The following NCOR2 variants were observed in gnomAD, a reference collection of about 807,000 sequenced individuals.
The protein encoded by NCOR2 is CTG repeat protein 26.
Under a neutral mutation model 262.9 loss-of-function variants are expected in NCOR2, and 81 were observed. The observed-to-expected ratio is 0.31, with a 90% CI of 0.26 to 0.37. The LOEUF is 0.37. NCOR2 is among the 10% of genes least tolerant of loss of function. The probability of loss-of-function intolerance (pLI) is 1.00; values close to 1 mark genes in which losing one functional copy is unlikely to be tolerated. For synonymous variants in NCOR2, 1,659 were observed against 1,559.3 expected (o/e 1.06, Z -1.51); for missense variants, 3,385 against 3,621.4 (o/e 0.93, Z 1.68).
At chr12:124,434,321 C>T (rs2044204698) in intron 8 of NCOR2, among the ~76,000 whole-genome samples, 1 of 152,152 alleles carries the variant, frequency 6.6e-6, no homozygotes, top group Admixed American at 6.5e-5. Flanking sequence ...GGGACTTCGG[C>T]TTCTTATACC....
exon 47 of NCOR2, chr12:124,324,594 G>A (rs954782086): frequency 3.3e-5 from 5 of 152,430 alleles, no homozygotes; most frequent in African/African-American, 1.2e-4. Context: ...CGAGTGATGG[G>A]GTCACCGACT....
intron 1 of NCOR2, among the ~76,000 whole-genome samples, chr12:124,491,317 T>A (rs2048071727): frequency 6.6e-6 from 1 of 152,264 alleles, no homozygotes. Flanking sequence ...GTCCATACCC[T>A]GTGCGAAGGA....
intron 13 of NCOR2, among the ~76,000 whole-genome samples, chr12:124,407,200 CAGAA>C (rs1356458009): frequency 6.6e-6 from 1 of 152,226 alleles, no homozygotes; most frequent in African/African-American, 2.4e-5. Context: ...ACACCAGCCA[CAGAA>C]AGATGTGGCC....
chr12:124,515,533 A>C (rs2137047271), intron 1 of NCOR2, among the ~76,000 whole-genome samples: 1 of 152,312 alleles, frequency 6.6e-6, no homozygotes, highest in East Asian at 1.9e-4. Flanking sequence ...CCGTATGCAG[A>C]TTGCAGCAGT....
In NCOR2 at chr12:124,464,581, A is replaced by G. The variant is rs142070320; in HGVS notation, c.705+1592T>C. Reference sequence around the variant, plus strand: ...TACTAAATGCAAATAGTATTCTATTAAATGCACAAGGTAAACAAACACAAG... The same window carrying G: ...TACTAAATGCAAATAGTATTCTATTGAATGCACAAGGTAAACAAACACAAG... On this transcript the variant is annotated intron_variant, in intron 5 of 46. Transcript: ENST00000405201. Among the ~76,000 whole-genome samples, 7 of 152,376 alleles carry G rather than the reference A, an allele frequency of 4.6e-5. No individual in the cohort carries two copies. In the East Asian group the frequency reaches 1.3e-3, roughly 29 times the overall value.
chr12:124,364,060 G>T (rs1468723762), intron 20 of NCOR2, among the ~76,000 whole-genome samples: 1 of 152,174 alleles, frequency 6.6e-6, no homozygotes, highest in South Asian at 2.1e-4. Context: ...GTTCTTGCAG[G>T]CCCCATCAGG....
chr12:124,558,815 C>A (rs1017427575), intron 1 of NCOR2, among the ~76,000 whole-genome samples: 2 of 152,120 alleles, frequency 1.3e-5, no homozygotes, highest in Non-Finnish European at 2.9e-5. Context: ...CCCCTGAATG[C>A]CCTTCACTTC....
chr12:124,415,557 G>A (rs933219435), intron 13 of NCOR2, among the ~76,000 whole-genome samples: 3 of 152,244 alleles, frequency 2.0e-5, no homozygotes, highest in African/African-American at 4.8e-5. Context: ...CTTAGCAAAC[G>A]CAGCTGATCC....
At chr12:124,518,491 C>T (rs372389184) in intron 1 of NCOR2, among the ~76,000 whole-genome samples, 4 of 152,352 alleles carry the variant, frequency 2.6e-5, no homozygotes, top group Admixed American at 6.5e-5. Flanking sequence ...GCGACAAGTG[C>T]GGGGCCGCCT....
At chr12:124,381,529 G>A (rs1446421743) in intron 17 of NCOR2, among the ~76,000 whole-genome samples, 1 of 152,256 alleles carries the variant, frequency 6.6e-6, no homozygotes, top group African/African-American at 2.4e-5. Flanking sequence ...ACCTGGAACA[G>A]TGTCTAGCAC....
intron 33 of NCOR2, 24 bp downstream of exon 35, chr12:124,342,981 T>C (rs747355777): frequency 8.1e-6 from 13 of 1,608,514 alleles, no homozygotes; most frequent in Middle Eastern, 2.2e-4. Context: ...CACTGCAGGG[T>C]TCTGGGAGCC....
chr12:124,369,666 C>G (rs2039331613), intron 20 of NCOR2, among the ~76,000 whole-genome samples: 1 of 152,126 alleles, frequency 6.6e-6, no homozygotes. Context: ...GAGGGCAAAG[C>G]AGGCCCCAAG....
chr12:124,479,521 G>A lies in NCOR2; in HGVS notation c.411+4075C>T, dbSNP rs554628645. ...TGCGCGCATACACACGCACATGCGC[G>A]CACACGCACACACACACCCGCACCC... On this transcript the variant is annotated intron_variant, in intron 3 of 46. Transcript: ENST00000405201. Among the ~76,000 whole-genome samples the A allele has an allele frequency of 6.8e-5, 10 of 147,676 alleles. No homozygotes were observed. In the East Asian group the frequency reaches 1.2e-3, roughly 18 times the overall value.
rs750414709 is a variant in NCOR2 at position 124,490,408 on chromosome 12, A to AGATGGATGGATGGATGGATGGATG, written c.106-3864_106-3841dup. Among the ~76,000 whole-genome samples the AGATGGATGGATGGATGGATGGATG allele has an allele frequency of 7.1e-5, 9 of 126,364 alleles. 1 individual carries two copies. Among genetic ancestry groups the AGATGGATGGATGGATGGATGGATG allele is most frequent in the East Asian group, 7.4e-4 (2 of 2,720 alleles). 82.9% of individuals were successfully genotyped at this position (126,364 alleles called of 152,430 possible). A position where few individuals can be genotyped will look rare whatever the true frequency, so the allele number is the denominator to read the frequency against. On this transcript the variant is annotated intron_variant, in intron 1 of 46. Transcript: ENST00000405201. ...CCGAGACGCCTGATAAGTATTTGCC[A>AGATGGATGGATGGATGGATGGATG]GATGGATGGATGGATGGATGGATGG...
At chr12:124,340,627 G>A in exon 35 of NCOR2, 1 of 1,496,286 alleles carries the variant, frequency 6.7e-7, no homozygotes, top group East Asian at 2.3e-5. Context: ...AGCTGCTGTG[G>A]CGGCTGCTGA....
At chr12:124,499,265 T>C (rs2048552388), upstream of NCOR2, among the ~76,000 whole-genome samples, 1 of 152,172 alleles carries the variant, frequency 6.6e-6, no homozygotes, top group Non-Finnish European at 1.5e-5. Context: ...GAGGGGGAAT[T>C]CAGACACAAA....
At chr12:124,423,743 T>A (rs1425108014) in intron 11 of NCOR2, among the ~76,000 whole-genome samples, 1 of 152,178 alleles carries the variant, frequency 6.6e-6, no homozygotes, top group African/African-American at 2.4e-5. Flanking sequence ...AACTTGGGAA[T>A]CTCCTAGGTC....
At chr12:124,363,855 G>C (rs1455383322) in intron 20 of NCOR2, 56 bp from the exon 23 acceptor site, 10 of 1,296,868 alleles carry the variant, frequency 7.7e-6, no homozygotes, top group African/African-American at 3.0e-5. Context: ...CTCCCAGGGT[G>C]GGGGGGCTGC....
chr12:124,466,359 G>A lies in NCOR2; in HGVS notation c.592-73C>T, dbSNP rs575657415. 4.6e-4 allele frequency: 656 copies of A among 1,414,364 alleles called. 2 individuals carry two copies. In the African/African-American group the frequency reaches 7.0e-3, roughly 15 times the overall value. 87.6% of individuals were successfully genotyped at this position (1,414,364 alleles called of 1,614,324 possible). On this transcript the variant is annotated intron_variant, in intron 4 of 46. Transcript: ENST00000405201. ...AGGAGGGCTGCAGCCCCCAGGGCGCGGGGAGGCCCCCTTGCAGCCCGGGCC... is the reference window on the plus strand; with the variant it reads ...AGGAGGGCTGCAGCCCCCAGGGCGCAGGGAGGCCCCCTTGCAGCCCGGGCC...
Sources: gnomAD v4.1 joint callset for allele counts (sites outside exome capture counted in the v4.1 genomes callset) on GRCh38, gnomAD v4.1.1 for gene constraint, MANE v1.5 for transcripts, NCBI Gene and HGNC (gene_info 2026-07-23, HGNC 2026-07-21) for gene names.